Variants in MMP26 observed in about 807,000 individuals in gnomAD.
The protein encoded by MMP26 is matrix metalloproteinase-26.
A neutral mutation model predicts 31.0 loss-of-function variants in MMP26; 33 were observed. That is an observed-to-expected ratio of 1.06 (90% CI 0.81 to 1.42). The LOEUF is 1.42. Among genes scored for constraint, MMP26 ranks in the 40% most tolerant of loss-of-function variants. The pLI is 0.00. For missense variants in MMP26, 347 were observed against 316.1 expected (o/e 1.10, Z -0.74); for synonymous variants, 122 against 114.9 (o/e 1.06, Z -0.40).
intron 2 of MMP26, among the ~76,000 whole-genome samples, chr11:4,866,487 T>C (rs1370284905): frequency 6.6e-6 from 1 of 152,050 alleles, no homozygotes; most frequent in Non-Finnish European, 1.5e-5. Flanking sequence ...AGAATCAATA[T>C]CATGAAAATG....
chr11:4,974,865 A>C (rs1475295574), intron 2 of MMP26, among the ~76,000 whole-genome samples: 1 of 152,104 alleles, frequency 6.6e-6, no homozygotes, highest in Non-Finnish European at 1.5e-5. Flanking sequence ...CAGAAAACCA[A>C]ACACCGCATG....
chr11:4,903,892 G>A (rs1850841733), intron 2 of MMP26: 1 of 152,068 alleles, frequency 6.6e-6, no homozygotes, highest in South Asian at 2.1e-4. Flanking sequence ...GGGAGGAAGA[G>A]TAAGTGGTTT....
intron 2 of MMP26, among the ~76,000 whole-genome samples, chr11:4,900,495 GA>G (rs932022863): frequency 6.6e-6 from 1 of 152,144 alleles, no homozygotes; most frequent in African/African-American, 2.4e-5. Context: ...TGTTGAGTGG[GA>G]AACTATGCTT....
chr11:4,725,103 C>T (rs1848080802), intron 1 of MMP26, among the ~76,000 whole-genome samples: 1 of 152,132 alleles, frequency 6.6e-6, no homozygotes, highest in South Asian at 2.1e-4. Flanking sequence ...CCTTCTTCAG[C>T]CATGTGAAGT....
At chr11:4,709,423 G>A (rs1164301420) in intron 1 of MMP26, 1 of 340,486 alleles carries the variant, frequency 2.9e-6, no homozygotes, top group Non-Finnish European at 5.8e-6. Context: ...AACAGTAAGT[G>A]GCTATGCATT....
chr11:4,990,556 C>A, intron 4 of MMP26, 42 bp from the exon 5 acceptor site: 1 of 1,557,450 alleles, frequency 6.4e-7, no homozygotes, highest in South Asian at 1.2e-5. Context: ...AGGATAATTC[C>A]CATTCCTCTG....
At chr11:4,887,537 G>A (rs1400362366) in intron 2 of MMP26, among the ~76,000 whole-genome samples, 1 of 152,094 alleles carries the variant, frequency 6.6e-6, no homozygotes, top group Non-Finnish European at 1.5e-5. Flanking sequence ...AACAGAACAT[G>A]AACTGTTTTT....
chr11:4,800,439 G>A (rs1849165718), intron 2 of MMP26, among the ~76,000 whole-genome samples: 1 of 152,170 alleles, frequency 6.6e-6, no homozygotes, highest in African/African-American at 2.4e-5. Flanking sequence ...GTGTCCCAAG[G>A]CTACACAGGA....
chr11:4,815,342 A>C lies in MMP26; in HGVS notation c.-145+48001A>C, dbSNP rs140327015. The stretch of plus-strand genomic sequence containing the variant: ...TTTCATTGCCAGGGTGAAATTCGGC[A>C]TCACTGTTTTAGGGTAAAGATCTTG... On this transcript the variant is annotated intron_variant, in intron 2 of 7. Transcript: ENST00000380390. Among the ~76,000 whole-genome samples, 470 of 152,326 alleles carry C rather than the reference A, an allele frequency of 3.1e-3. 2 individuals are homozygous for C. The highest frequency in any genetic ancestry group is 0.011 in the African/African-American group (458 of 41,568).
intron 2 of MMP26, among the ~76,000 whole-genome samples, chr11:4,780,928 C>T (rs572148504): frequency 1.3e-5 from 2 of 151,670 alleles, no homozygotes; most frequent in South Asian, 4.2e-4. Flanking sequence ...TATTTAATTA[C>T]ATAACTATAT....
At chr11:4,827,882 T>C (rs1487519973) in intron 2 of MMP26, among the ~76,000 whole-genome samples, 3 of 151,720 alleles carry the variant, frequency 2.0e-5, no homozygotes, top group East Asian at 3.9e-4. Context: ...ATTTTTATCA[T>C]AGTTCTAGTT....
chr11:4,792,929 A>G (rs367730791), intron 2 of MMP26, among the ~76,000 whole-genome samples: 1 of 152,214 alleles, frequency 6.6e-6, no homozygotes, highest in South Asian at 2.1e-4. Flanking sequence ...TTATTGCTCT[A>G]TAAAATGAGC....
At chr11:4,793,975 T>C (rs1267230922) in intron 2 of MMP26, 2 of 152,108 alleles carry the variant, frequency 1.3e-5, no homozygotes, top group African/African-American at 4.8e-5. Flanking sequence ...GTGACACAAA[T>C]GTGGAAGGCA....
chr11:4,930,533 G>A (rs1048683624), intron 2 of MMP26, among the ~76,000 whole-genome samples: 1 of 151,996 alleles, frequency 6.6e-6, no homozygotes, highest in African/African-American at 2.4e-5. Context: ...TGGTCTAATG[G>A]CTCCATCTAC....
chr11:4,870,786 C>T (rs1003789837), intron 2 of MMP26, among the ~76,000 whole-genome samples: 1 of 151,960 alleles, frequency 6.6e-6, no homozygotes, highest in African/African-American at 2.4e-5. Context: ...TTTCAGTTTC[C>T]TATTTGTATT....
chr11:4,705,843 C>T (rs994091554), intron 1 of MMP26, among the ~76,000 whole-genome samples: 3 of 151,094 alleles, frequency 2.0e-5, no homozygotes, highest in Non-Finnish European at 4.4e-5. Context: ...AAAAAATTAG[C>T]TGGGTGTGGT....
At chr11:4,863,278 ATCT>A (rs962483644) in intron 2 of MMP26, among the ~76,000 whole-genome samples, 8 of 149,528 alleles carry the variant, frequency 5.4e-5, no homozygotes, top group African/African-American at 2.0e-4. Context: ...CCTTCTTTTA[ATCT>A]TCTTTAATTT....
At chr11:4,890,369 G>T in intron 2 of MMP26, 1 of 173,672 alleles carries the variant, frequency 5.8e-6, no homozygotes. Flanking sequence ...GGTAGGAGAG[G>T]GACAGGCCCA....
chr11:4,870,899 C>T (rs1001769574), intron 2 of MMP26, among the ~76,000 whole-genome samples: 3 of 151,900 alleles, frequency 2.0e-5, no homozygotes, highest in South Asian at 4.1e-4. Context: ...ATATTTAAAG[C>T]AGTGGTATTT....
Sources: gnomAD v4.1 joint callset for allele counts (sites outside exome capture counted in the v4.1 genomes callset) on GRCh38, gnomAD v4.1.1 for gene constraint, MANE v1.5 for transcripts, NCBI Gene and HGNC (gene_info 2026-07-23, HGNC 2026-07-21) for gene names.